The following GRID2 variants were observed in gnomAD, a reference collection of about 807,000 sequenced individuals.
The protein encoded by GRID2 is glutamate ionotropic receptor delta type subunit 2.
In GRID2, 33 loss-of-function variants were observed where a neutral mutation model predicts 114.8. The observed-to-expected ratio is 0.29, with a 90% CI of 0.22 to 0.38. The LOEUF (loss-of-function observed/expected upper bound fraction) is 0.38. Among genes scored for constraint, GRID2 ranks in the 10% least tolerant of loss-of-function variants. The pLI is 1.00. For synonymous variants in GRID2, 505 were observed against 449.9 expected (o/e 1.12, Z -1.55); for missense variants, 1,184 against 1,257.7 (o/e 0.94, Z 0.89).
chr4:92,560,935 T>C (rs1339460733), intron 1 of GRID2, among the ~76,000 whole-genome samples: 1 of 152,158 alleles, frequency 6.6e-6, no homozygotes, highest in Non-Finnish European at 1.5e-5. Context: ...CTTGAACTCC[T>C]GACCTCAGGT....
chr4:92,440,397 G>T (rs1732982448), intron 1 of GRID2, among the ~76,000 whole-genome samples: 1 of 150,700 alleles, frequency 6.6e-6, no homozygotes, highest in Non-Finnish European at 1.5e-5. Context: ...CTGTAGGAAA[G>T]GCCTCTACCT....
At chr4:92,454,641 C>G (rs1055806285) in intron 1 of GRID2, among the ~76,000 whole-genome samples, 3 of 152,144 alleles carry the variant, frequency 2.0e-5, no homozygotes, top group Non-Finnish European at 4.4e-5. Context: ...TCCAGACCAT[C>G]CTGGCTAACA....
chr4:92,740,704 ATAG>A (rs1178887039), intron 2 of GRID2, among the ~76,000 whole-genome samples: 11 of 78,430 alleles, frequency 1.4e-4, no homozygotes, highest in African/African-American at 4.1e-4. Flanking sequence ...AGATAGATAG[ATAG>A]ATAGATAGAT....
intron 2 of GRID2, among the ~76,000 whole-genome samples, chr4:92,888,967 T>A (rs536293665): frequency 6.6e-6 from 1 of 152,230 alleles, no homozygotes; most frequent in African/African-American, 2.4e-5. Flanking sequence ...TTTTGGTAAT[T>A]GTCTTTCCTT....
intron 12 of GRID2, among the ~76,000 whole-genome samples, chr4:93,506,100 G>A (rs1263408413): frequency 6.6e-6 from 1 of 152,194 alleles, no homozygotes; most frequent in Non-Finnish European, 1.5e-5. Context: ...TAAGGAAAGT[G>A]CAGATCTTTT....
intron 4 of GRID2, among the ~76,000 whole-genome samples, chr4:93,180,008 G>C (rs1739732384): frequency 6.6e-6 from 1 of 151,992 alleles, no homozygotes; most frequent in Non-Finnish European, 1.5e-5. Context: ...TCTCATTACT[G>C]AACTTCCATT....
chr4:92,324,594 C>T lies in GRID2; in HGVS notation c.88+19850C>T, dbSNP rs191629387. ...ACTTTTATATACACATACATACATACAGACACACACACACACACACACACA... is the reference window on the plus strand; with the variant it reads ...ACTTTTATATACACATACATACATATAGACACACACACACACACACACACA... On this transcript the variant is annotated intron_variant, in intron 1 of 15. Coordinates refer to ENST00000282020, the MANE Select transcript of GRID2 (RefSeq NM_001510.4). Among the ~76,000 whole-genome samples, 755 of 128,996 alleles carry T rather than the reference C, an allele frequency of 5.9e-3. 8 individuals carry two copies. The highest frequency in any genetic ancestry group is 0.02 in the African/African-American group (722 of 35,760). 84.6% of individuals were successfully genotyped at this position (128,996 alleles called of 152,430 possible).
At chr4:93,231,769 A>G (rs1159960514) in intron 7 of GRID2, among the ~76,000 whole-genome samples, 4 of 152,246 alleles carry the variant, frequency 2.6e-5, no homozygotes, top group African/African-American at 9.6e-5. Context: ...TATTTGCATC[A>G]AACTTTCATC....
chr4:92,987,595 A>T (rs941516767), intron 2 of GRID2, among the ~76,000 whole-genome samples: 4 of 150,778 alleles, frequency 2.7e-5, no homozygotes, highest in South Asian at 2.1e-4. Flanking sequence ...AAGTATAATT[A>T]AAAAAAAATA....
intron 1 of GRID2, among the ~76,000 whole-genome samples, chr4:92,470,280 A>G (rs1939980566): frequency 6.6e-6 from 1 of 151,644 alleles, no homozygotes; most frequent in African/African-American, 2.4e-5. Context: ...TTTATCATCC[A>G]AAAAAAATCA....
At chr4:93,708,260 A>C (rs923502350) in intron 14 of GRID2, among the ~76,000 whole-genome samples, 3 of 151,906 alleles carry the variant, frequency 2.0e-5, no homozygotes, top group Admixed American at 6.5e-5. Context: ...TTGATTTTCT[A>C]TCTGAATAAT....
At chr4:93,503,407 G>A (rs1230103563) in intron 12 of GRID2, among the ~76,000 whole-genome samples, 1 of 151,984 alleles carries the variant, frequency 6.6e-6, no homozygotes, top group Non-Finnish European at 1.5e-5. Context: ...CATGTGCCAT[G>A]TTGGTGTGCT....
chr4:93,542,091 C>G (rs557009030), intron 13 of GRID2, among the ~76,000 whole-genome samples: 1 of 152,320 alleles, frequency 6.6e-6, no homozygotes, highest in Non-Finnish European at 1.5e-5. Flanking sequence ...TCACATACCA[C>G]TACCTAAAGT....
chr4:92,524,407 C>CTTTTTTTTTTTTTTTTTTTTTTTTTTT (rs869060153), intron 1 of GRID2, among the ~76,000 whole-genome samples: 1 of 106,564 alleles, frequency 9.4e-6, no homozygotes, highest in Non-Finnish European at 1.9e-5. Flanking sequence ...ATTTCCTTGT[C>CTTTTTTTTTTTTTTTTTTTTTTTTTTT]TTTTTTTTTT....
intron 14 of GRID2, among the ~76,000 whole-genome samples, chr4:93,668,748 A>G (rs907008194): frequency 5.3e-5 from 8 of 152,080 alleles, no homozygotes; most frequent in African/African-American, 1.9e-4. Context: ...GCATCAATGG[A>G]TAATGGAAGA....
intron 8 of GRID2, chr4:93,258,958 T>A: frequency 2.2e-6 from 1 of 455,276 alleles, no homozygotes. Context: ...GGAATATTAA[T>A]AAGGACTGAT....
chr4:92,463,939 A>T (rs998162848), intron 1 of GRID2, among the ~76,000 whole-genome samples: 14 of 150,426 alleles, frequency 9.3e-5, no homozygotes, highest in Non-Finnish European at 7.4e-5. Flanking sequence ...TCTTTTAAAC[A>T]TTTTTTTTTA....
chr4:92,592,582 A>G (rs1481608115), intron 2 of GRID2, among the ~76,000 whole-genome samples: 1 of 152,124 alleles, frequency 6.6e-6, no homozygotes, highest in Non-Finnish European at 1.5e-5. Context: ...GCAAATTGAG[A>G]GAGGCAATAA....
chr4:93,803,364 A>T (rs1165061262), intron 1 of GRID2, among the ~76,000 whole-genome samples: 6 of 152,264 alleles, frequency 3.9e-5, no homozygotes, highest in African/African-American at 1.2e-4. Context: ...GATAAAGAAA[A>T]ATTAAGCACG....
Sources: gnomAD v4.1 joint callset for allele counts (sites outside exome capture counted in the v4.1 genomes callset) on GRCh38, gnomAD v4.1.1 for gene constraint, MANE v1.5 for transcripts, NCBI Gene and HGNC (gene_info 2026-07-23, HGNC 2026-07-21) for gene names.